The following ANKFY1 variants were observed in gnomAD, a reference collection of about 807,000 sequenced individuals.
ANKFY1 encodes the protein ankyrin repeat and FYVE domain-containing protein 1.
Under a neutral mutation model 128.3 loss-of-function variants are expected in ANKFY1, and 47 were observed. The ratio of observed to expected loss-of-function variants is 0.37; its 90% CI spans 0.29 to 0.47. ANKFY1 has a LOEUF of 0.47. ANKFY1 is among the 20% of genes least tolerant of loss of function. The pLI, the probability that ANKFY1 is intolerant of heterozygous loss-of-function variation, is 1.00. For missense variants in ANKFY1, 1,222 were observed against 1,510.6 expected (o/e 0.81, Z 3.17); for synonymous variants, 553 against 601.6 (o/e 0.92, Z 1.18).
intron 12 of ANKFY1, among the ~76,000 whole-genome samples, chr17:4,184,286 G>A (rs1223501741): frequency 6.6e-6 from 1 of 152,134 alleles, no homozygotes; most frequent in East Asian, 1.9e-4. Context: ...AGGGCACATA[G>A]TACCTAAAAC....
intron 3 of ANKFY1, among the ~76,000 whole-genome samples, chr17:4,221,873 T>G (rs1162621642): frequency 6.6e-6 from 1 of 152,220 alleles, no homozygotes; most frequent in Non-Finnish European, 1.5e-5. Context: ...CACTGTGGCC[T>G]CCCAAAGTGC....
chr17:4,255,869 G>A (rs1297452486), intron 1 of ANKFY1, among the ~76,000 whole-genome samples: 1 of 151,498 alleles, frequency 6.6e-6, no homozygotes, highest in Non-Finnish European at 1.5e-5. Context: ...CCAAGCTGGA[G>A]TGCAATGGCG....
intron 3 of ANKFY1, among the ~76,000 whole-genome samples, chr17:4,232,658 A>G (rs2060533083): frequency 6.6e-6 from 1 of 152,282 alleles, no homozygotes; most frequent in Non-Finnish European, 1.5e-5. Context: ...TTAATATTCT[A>G]TTTTCCTGAA....
At chr17:4,186,244 G>A (rs1465773848) in intron 11 of ANKFY1, 3 of 152,494 alleles carry the variant, frequency 2.0e-5, no homozygotes, top group South Asian at 2.1e-4. Flanking sequence ...GCAGTACGGC[G>A]CTTGCATAAG....
At chr17:4,255,403 A>G (rs1322040930) in intron 1 of ANKFY1, among the ~76,000 whole-genome samples, 2 of 151,944 alleles carry the variant, frequency 1.3e-5, no homozygotes, top group Non-Finnish European at 2.9e-5. Flanking sequence ...GCCTGCCACC[A>G]TGCCCAGCTA....
chr17:4,232,697 T>C (rs1567965145), intron 3 of ANKFY1, among the ~76,000 whole-genome samples: 1 of 152,222 alleles, frequency 6.6e-6, no homozygotes, highest in Admixed American at 6.5e-5. Flanking sequence ...CTCACAGTGA[T>C]GCAATCTTGT....
chr17:4,241,440 C>T (rs140369763), intron 2 of ANKFY1, among the ~76,000 whole-genome samples: 213 of 151,862 alleles, frequency 1.4e-3, no homozygotes, highest in African/African-American at 2.8e-3. Context: ...CCACCATGCG[C>T]GGCGAATTTT....
At position 4,206,450 on chromosome 17, in the gene ANKFY1, C is replaced by G; in HGVS notation, c.769G>C (p.Asp257His). ...GAGAGGGCTAGATCTAATGCCAGAT[C>G]TCCGTTATGATCCGCTTCATTCAGC... ...GKLNEADHNGDLALDLALSRR... is the reference protein window; with the variant it reads ...GKLNEADHNGHLALDLALSRR... Residue 257 changes from aspartate to histidine, a missense_variant, in exon 7 of 25, where the codon GAT (aspartate) becomes CAT (histidine). By Grantham distance (81) the Asp-to-His change is moderately conservative. Coordinates refer to ENST00000341657, the MANE Select transcript of ANKFY1 (RefSeq NM_001330063.2). The G allele has an allele frequency of 6.2e-7, 1 of 1,614,148 alleles. No individual in the cohort carries two copies. The highest frequency in any genetic ancestry group is 8.5e-7 in the Non-Finnish European group (1 of 1,180,008).
In ANKFY1 at chr17:4,196,615, G is replaced by C. The variant is rs1178172147; in HGVS notation, c.1103+758C>G. ...TAAATATGCAAAGGGCCGTGCTATG[G>C]ACAAAGGTAGCAAGCTGTGCAGATA... On this transcript the variant is annotated intron_variant, in intron 8 of 24. Coordinates refer to ENST00000341657, the MANE Select transcript of ANKFY1 (RefSeq NM_001330063.2). 2.0e-5 allele frequency among the ~76,000 whole-genome samples: 3 copies of C among 152,328 alleles called. No individual in the cohort carries two copies. The East Asian group carries it at 5.8e-4, about 29-fold the overall frequency.
intron 7 of ANKFY1, among the ~76,000 whole-genome samples, chr17:4,198,054 AG>A (rs993428045): frequency 6.6e-5 from 10 of 151,294 alleles, no homozygotes; most frequent in Admixed American, 5.3e-4. Flanking sequence ...GCTTGAACCC[AG>A]GGGGTGGAGG....
At chr17:4,253,688 G>C (rs1967960830) in intron 1 of ANKFY1, among the ~76,000 whole-genome samples, 1 of 152,120 alleles carries the variant, frequency 6.6e-6, no homozygotes, top group Non-Finnish European at 1.5e-5. Flanking sequence ...TCCTAATGTG[G>C]CATTCTGATT....
At chr17:4,201,479 ATTT>A (rs59058325) in intron 7 of ANKFY1, among the ~76,000 whole-genome samples, 1 of 135,700 alleles carries the variant, frequency 7.4e-6, no homozygotes, top group African/African-American at 2.7e-5. Context: ...CCTGTGTCTG[ATTT>A]TTTTTTTTTT....
chr17:4,247,055 G>A (rs1967580018), intron 1 of ANKFY1, among the ~76,000 whole-genome samples: 1 of 151,814 alleles, frequency 6.6e-6, no homozygotes, highest in Non-Finnish European at 1.5e-5. Context: ...CGTAGAGGTT[G>A]TGGTGAGCTG....
intron 3 of ANKFY1, among the ~76,000 whole-genome samples, chr17:4,221,046 A>G (rs9899360): frequency 0.038 from 5,846 of 152,314 alleles, 380 homozygotes; most frequent in African/African-American, 0.13. Context: ...GCAGGCCAGG[A>G]TGCATGTAAA....
At chr17:4,208,398 A>C (rs531001666) in intron 5 of ANKFY1, among the ~76,000 whole-genome samples, 1 of 152,296 alleles carries the variant, frequency 6.6e-6, no homozygotes, top group East Asian at 1.9e-4. Flanking sequence ...TGAGGTGGCA[A>C]AACACCAGCC....
At chr17:4,245,696 T>C (rs1967500999) in intron 1 of ANKFY1, among the ~76,000 whole-genome samples, 1 of 150,422 alleles carries the variant, frequency 6.6e-6, no homozygotes, top group Admixed American at 6.6e-5. Flanking sequence ...AGAGCCGAGA[T>C]TGTGCCACTG....
At chr17:4,175,613 T>C (rs1408409889) in intron 19 of ANKFY1, among the ~76,000 whole-genome samples, 1 of 152,198 alleles carries the variant, frequency 6.6e-6, no homozygotes, top group Non-Finnish European at 1.5e-5. Context: ...TTAGCTGCTC[T>C]GGTTAGGACC....
In ANKFY1 at chr17:4,178,627, C is replaced by G; in HGVS notation, c.2598+230G>C. 1 of 574,036 alleles carries G rather than the reference C, an allele frequency of 1.7e-6. No homozygotes were observed. Among genetic ancestry groups the G allele is most frequent in the Non-Finnish European group, 3.1e-6 (1 of 320,358 alleles). The allele number at this position is 574,036 out of a possible 1,614,324, so 35.6% of individuals were successfully genotyped here. On this transcript the variant is annotated intron_variant, in intron 18 of 24. Coordinates refer to ENST00000341657, the MANE Select transcript of ANKFY1 (RefSeq NM_001330063.2). This position sits in a 1 kb window ranked among gnomAD's most constrained non-coding sequence, Gnocchi z 4.1. The stretch of plus-strand genomic sequence containing the variant: ...GAATTCCTACGATGGAGCCCACTGC[C>G]TCCGCTTCCATCGAAGCCGGGCACT...
chr17:4,170,689 G>T (rs537026576), intron 23 of ANKFY1, 26 bp downstream of exon 23: 1 of 1,592,406 alleles, frequency 6.3e-7, no homozygotes, highest in Admixed American at 1.7e-5. Flanking sequence ...TGCTTGCACT[G>T]TGAGAGCAGA....
Sources: gnomAD v4.1 joint callset for allele counts (sites outside exome capture counted in the v4.1 genomes callset) on GRCh38, gnomAD v4.1.1 for gene constraint, Gnocchi (gnomAD v3.1) non-coding constraint, MANE v1.5 for transcripts, NCBI Gene and HGNC (gene_info 2026-07-23, HGNC 2026-07-21) for gene names.